PBX3: variants seen among roughly 807,000 people sequenced by gnomAD.
The protein encoded by PBX3 is PBX homeobox 3.
PBX3 carries 14 observed loss-of-function variants against 48.5 expected under a neutral mutation model. The ratio of observed to expected loss-of-function variants is 0.29; its 90% CI spans 0.19 to 0.45. The LOEUF (loss-of-function observed/expected upper bound fraction) is 0.45. Among genes scored for constraint, PBX3 ranks in the 20% least tolerant of loss-of-function variants. The pLI is 1.00. For missense variants in PBX3, 386 were observed against 546.7 expected (o/e 0.71, Z 2.93); for synonymous variants, 210 against 200.3 (o/e 1.05, Z -0.41).
chr9:125,938,995 G>A (rs997635860), intron 5 of PBX3, among the ~76,000 whole-genome samples: 6 of 151,540 alleles, frequency 4.0e-5, no homozygotes, highest in East Asian at 1.9e-4. Flanking sequence ...GTGTGTGTGT[G>A]TATATAAACA....
chr9:125,818,209 A>AAC (rs1838526918), intron 2 of PBX3, among the ~76,000 whole-genome samples: 1 of 123,620 alleles, frequency 8.1e-6, no homozygotes, highest in African/African-American at 3.7e-5. Context: ...CAAAAAAACC[A>AAC]AAAAAAAAAC....
intron 2 of PBX3, among the ~76,000 whole-genome samples, chr9:125,819,985 A>T (rs913535683): frequency 6.6e-6 from 1 of 152,196 alleles, no homozygotes; most frequent in Non-Finnish European, 1.5e-5. Context: ...ATTTTGGAAA[A>T]GAAATTTTAA....
At chr9:125,872,634 C>T (rs764646518) in intron 2 of PBX3, among the ~76,000 whole-genome samples, 23 of 151,898 alleles carry the variant, frequency 1.5e-4, no homozygotes, top group Non-Finnish European at 2.6e-4. Context: ...GTGGCACACA[C>T]CTGTACTCCT....
intron 5 of PBX3, among the ~76,000 whole-genome samples, chr9:125,957,586 C>T (rs1204563235): frequency 6.6e-6 from 1 of 152,288 alleles, no homozygotes; most frequent in East Asian, 1.9e-4. Context: ...ACAGAGATTC[C>T]TCAATTATGA....
chr9:125,755,891 C>T (rs1430245707), intron 2 of PBX3, among the ~76,000 whole-genome samples: 1 of 151,766 alleles, frequency 6.6e-6, no homozygotes, highest in African/African-American at 2.4e-5. Flanking sequence ...TAAAAATATA[C>T]TAAAATTTTT....
chr9:125,824,075 C>T (rs984403155), intron 2 of PBX3, among the ~76,000 whole-genome samples: 2 of 107,778 alleles, frequency 1.9e-5, no homozygotes, highest in Non-Finnish European at 2.0e-5. Context: ...GACTTTGTCT[C>T]AAAAAAAAAA....
At chr9:125,828,317 T>C (rs746155275) in intron 2 of PBX3, among the ~76,000 whole-genome samples, 3 of 152,202 alleles carry the variant, frequency 2.0e-5, no homozygotes, top group Non-Finnish European at 4.4e-5. Context: ...ACAAATGGTT[T>C]ATATAGAAAT....
chr9:125,790,258 C>CT (rs1215679857), intron 2 of PBX3, among the ~76,000 whole-genome samples: 115 of 149,496 alleles, frequency 7.7e-4, no homozygotes, highest in African/African-American at 1.6e-3. Context: ...TTCTTTCTTT[C>CT]TTTTTTTTTT....
chr9:125,819,004 T>A (rs1295760585), intron 2 of PBX3, among the ~76,000 whole-genome samples: 1 of 151,418 alleles, frequency 6.6e-6, no homozygotes. Context: ...TCTGGCTAAT[T>A]TTTGTGTTTT....
rs375671781 is a variant in PBX3, at chr9:125,839,394, C to A, written c.275-76292C>A. ...CAGAAGATCTCTCACTTGTTCAGAT[C>A]TATAGATTGAGTAAATGAATGTCTT... On this transcript the variant is annotated intron_variant, in intron 2 of 8. Transcript: ENST00000373489. Among the ~76,000 whole-genome samples, 3 of 152,210 alleles carry A rather than the reference C, an allele frequency of 2.0e-5. No individual in the cohort carries two copies. The East Asian group carries it at 5.8e-4, about 29-fold the overall frequency.
rs34328835 is a variant in PBX3, at chr9:125,792,042, A to ACACG, written c.274+43450_274+43453dup. Among the ~76,000 whole-genome samples the ACACG allele has an allele frequency of 1.9e-3, 266 of 143,240 alleles. 3 individuals carry two copies. Among genetic ancestry groups the ACACG allele is most frequent in the South Asian group, 8.3e-3 (37 of 4,472 alleles). 94.0% of individuals were successfully genotyped at this position (143,240 alleles called of 152,430 possible). On this transcript the variant is annotated intron_variant, in intron 2 of 8. Coordinates refer to ENST00000373489, the MANE Select transcript of PBX3 (RefSeq NM_006195.6). The stretch of plus-strand genomic sequence containing the variant: ...GAGAATGGATTAATACTACACACAC[A>ACACG]CACGCACGCACGCACGCACGCACGC...
chr9:125,791,485 T>C (rs2132064414), intron 2 of PBX3, among the ~76,000 whole-genome samples: 1 of 152,202 alleles, frequency 6.6e-6, no homozygotes. Flanking sequence ...GAGATTTCCC[T>C]CTTGCTGTTC....
At chr9:125,866,562 G>A (rs1839986013) in intron 2 of PBX3, among the ~76,000 whole-genome samples, 1 of 152,074 alleles carries the variant, frequency 6.6e-6, no homozygotes, top group Non-Finnish European at 1.5e-5. Flanking sequence ...ATTGTAAGAG[G>A]GAAACAAAGA....
At chr9:125,870,861 A>G (rs913975588) in intron 2 of PBX3, among the ~76,000 whole-genome samples, 7 of 152,206 alleles carry the variant, frequency 4.6e-5, no homozygotes, top group East Asian at 3.8e-4. Context: ...CAAAAATTAC[A>G]AAGTCTTATA....
chr9:125,765,867 A>T (rs548868911), intron 2 of PBX3, among the ~76,000 whole-genome samples: 1 of 152,288 alleles, frequency 6.6e-6, no homozygotes, highest in East Asian at 1.9e-4. Context: ...AGTAAGGAGT[A>T]TTATGATTGA....
At chr9:125,824,942 G>A (rs1363664630) in intron 2 of PBX3, among the ~76,000 whole-genome samples, 2 of 151,896 alleles carry the variant, frequency 1.3e-5, no homozygotes, top group African/African-American at 2.4e-5. Context: ...ACTGATTCTC[G>A]GACTTTTTGT....
intron 2 of PBX3, among the ~76,000 whole-genome samples, chr9:125,793,366 A>AAATATATATATAT (rs59271982): frequency 4.5e-4 from 46 of 101,930 alleles, no homozygotes; most frequent in South Asian, 2.5e-3. Context: ...GGAAAAAAAA[A>AAATATATATATAT]ATATATATAT....
chr9:125,918,322 T>G (rs1306580388), intron 3 of PBX3, among the ~76,000 whole-genome samples: 1 of 152,188 alleles, frequency 6.6e-6, no homozygotes, highest in East Asian at 1.9e-4. Context: ...TTCCATGAGA[T>G]TTTATGTAAC....
chr9:125,949,588 T>G, intron 5 of PBX3: 1 of 1,256,220 alleles, frequency 8.0e-7, no homozygotes, highest in Non-Finnish European at 1.0e-6. Flanking sequence ...TTGATGAGAA[T>G]TAATTATATA....
Sources: gnomAD v4.1 joint callset for allele counts (sites outside exome capture counted in the v4.1 genomes callset) on GRCh38, gnomAD v4.1.1 for gene constraint, MANE v1.5 for transcripts, NCBI Gene and HGNC (gene_info 2026-07-23, HGNC 2026-07-21) for gene names.